The following NUAK1 variants were observed in gnomAD, a reference collection of about 807,000 sequenced individuals.
NUAK1 encodes NUAK family kinase 1.
Under a neutral mutation model 56.9 loss-of-function variants are expected in NUAK1, and 26 were observed. The ratio of observed to expected loss-of-function variants is 0.46; its 90% CI spans 0.33 to 0.63. The LOEUF is 0.63. Ranked by LOEUF, NUAK1 falls within the 30% of genes least tolerant of loss-of-function variation. The probability of loss-of-function intolerance (pLI) is 0.02; values close to 1 mark genes in which losing one functional copy is unlikely to be tolerated. For missense variants in NUAK1, 727 were observed against 876.1 expected (o/e 0.83, Z 2.15); for synonymous variants, 337 against 336.0 (o/e 1.00, Z -0.03).
rs1190980072 is a variant in NUAK1, at chr12:106,138,338, C to A, written c.240+76G>T. 1.8e-5 allele frequency: 27 copies of A among 1,513,646 alleles called. No homozygotes were observed. Among genetic ancestry groups the A allele is most frequent in the East Asian group, 2.3e-5 (1 of 43,460 alleles). 93.8% of individuals were successfully genotyped at this position (1,513,646 alleles called of 1,614,324 possible). Reference sequence around the variant, plus strand: ...CAAGAGAGCCCCAGGGCGCACAGACCCCCGCCTCGCACGCCCTCAGTCCCC... The same window carrying A: ...CAAGAGAGCCCCAGGGCGCACAGACACCCGCCTCGCACGCCCTCAGTCCCC... On this transcript the variant is annotated intron_variant, in intron 1 of 6. Coordinates refer to ENST00000261402, the MANE Select transcript of NUAK1 (RefSeq NM_014840.3). The surrounding 1 kb of genome is among the most constrained non-coding windows in gnomAD (Gnocchi z 5.0).
At chr12:106,128,459 C>G (rs761753305) in intron 1 of NUAK1, among the ~76,000 whole-genome samples, 1 of 152,164 alleles carries the variant, frequency 6.6e-6, no homozygotes, top group Non-Finnish European at 1.5e-5. Flanking sequence ...ATTGGACGGT[C>G]CACTTCCCTT....
intron 1 of NUAK1, among the ~76,000 whole-genome samples, chr12:106,129,613 T>C (rs2033057269): frequency 6.6e-6 from 1 of 151,988 alleles, no homozygotes; most frequent in African/African-American, 2.4e-5. Flanking sequence ...AGACTTTGGG[T>C]CCCATGCAAC....
At chr12:106,110,458 A>G (rs1213186199) in intron 1 of NUAK1, among the ~76,000 whole-genome samples, 1 of 152,196 alleles carries the variant, frequency 6.6e-6, no homozygotes, top group East Asian at 1.9e-4. Flanking sequence ...AGGGCTACCA[A>G]AGAAATGCAC....
intron 1 of NUAK1, among the ~76,000 whole-genome samples, chr12:106,134,828 T>C (rs2556509): frequency 1 from 152,266 of 152,338 alleles, 76,097 homozygotes; most frequent in Middle Eastern, 1. Context: ...TTGAGAAATG[T>C]GTTCAGATCC....
At chr12:106,093,495 T>C (rs1178423115) in intron 2 of NUAK1, among the ~76,000 whole-genome samples, 1 of 152,202 alleles carries the variant, frequency 6.6e-6, no homozygotes, top group East Asian at 1.9e-4. Context: ...ATGACCCAGC[T>C]CCCAGAGACT....
intron 1 of NUAK1, among the ~76,000 whole-genome samples, chr12:106,131,745 G>A (rs1215781101): frequency 6.6e-6 from 1 of 152,186 alleles, no homozygotes; most frequent in African/African-American, 2.4e-5. Flanking sequence ...GGTAAACCTA[G>A]AAGTGGAAAT....
intron 3 of NUAK1, among the ~76,000 whole-genome samples, chr12:106,084,758 T>A (rs2032554914): frequency 1.3e-5 from 2 of 152,062 alleles, no homozygotes; most frequent in African/African-American, 4.8e-5. Context: ...GATTATCTTT[T>A]TAGGGGGTGG....
At chr12:106,084,355 ATCTG>A (rs1200238342) in intron 3 of NUAK1, among the ~76,000 whole-genome samples, 1 of 152,180 alleles carries the variant, frequency 6.6e-6, no homozygotes, top group African/African-American at 2.4e-5. Flanking sequence ...GGCACTCCTC[ATCTG>A]TCTGTCTGTG....
At position 106,098,560 on chromosome 12, in the gene NUAK1, C is replaced by T. The variant is rs1030960531; in HGVS notation, c.361+7845G>A. Among the ~76,000 whole-genome samples the T allele has an allele frequency of 2.6e-5, 4 of 152,154 alleles. No individual in the cohort carries two copies. The South Asian group carries it at 6.2e-4, about 24-fold the overall frequency. On this transcript the variant is annotated intron_variant, in intron 2 of 6. Coordinates refer to ENST00000261402, the MANE Select transcript of NUAK1 (RefSeq NM_014840.3). The stretch of plus-strand genomic sequence containing the variant: ...ATGAAAGGGTTGGCCAGTTCCAGCA[C>T]ATCACAATGCAAAGAACCCATAAAG...
chr12:106,122,139 G>C lies in NUAK1; in HGVS notation c.241-15614C>G, dbSNP rs562831165. 5.9e-5 allele frequency among the ~76,000 whole-genome samples: 9 copies of C among 152,266 alleles called. No individual in the cohort carries two copies. In the South Asian group the frequency reaches 1.2e-3, roughly 21 times the overall value. ...GTCCATTGAACAGTTAAGCTCCTTG[G>C]GGGCAGGGGTGGATATTTGTAGACC... is the stretch of plus-strand genomic sequence containing the variant. On this transcript the variant is annotated intron_variant, in intron 1 of 6. Coordinates refer to ENST00000261402, the MANE Select transcript of NUAK1 (RefSeq NM_014840.3).
intron 2 of NUAK1, among the ~76,000 whole-genome samples, chr12:106,089,249 A>G (rs569217663): frequency 6.6e-6 from 1 of 152,260 alleles, no homozygotes; most frequent in African/African-American, 2.4e-5. Context: ...GAAGACTCAC[A>G]CCCCAAAGAG....
chr12:106,130,182 A>G (rs2033063116), intron 1 of NUAK1, among the ~76,000 whole-genome samples: 1 of 152,150 alleles, frequency 6.6e-6, no homozygotes, highest in Non-Finnish European at 1.5e-5. Flanking sequence ...GGGTTTCACC[A>G]TGTTGGCCAG....
intron 4 of NUAK1, 102 bp from the exon 5 acceptor site, chr12:106,072,945 C>G: frequency 2.9e-6 from 4 of 1,377,802 alleles, no homozygotes; most frequent in Non-Finnish European, 4.0e-6. Context: ...ATGAAGGGCA[C>G]CTGGGTGGGT....
intron 1 of NUAK1, among the ~76,000 whole-genome samples, chr12:106,115,642 A>T (rs1348802889): frequency 6.6e-6 from 1 of 152,146 alleles, no homozygotes; most frequent in East Asian, 1.9e-4. Flanking sequence ...GAGGCTTGTC[A>T]TCTCCCTCAT....
At chr12:106,116,203 C>A (rs2032915297) in intron 1 of NUAK1, among the ~76,000 whole-genome samples, 1 of 152,124 alleles carries the variant, frequency 6.6e-6, no homozygotes, top group Non-Finnish European at 1.5e-5. Flanking sequence ...TAAGAAGGAC[C>A]CTTGACAAAC....
At chr12:106,073,325 C>T (rs1379207974) in intron 4 of NUAK1, among the ~76,000 whole-genome samples, 3 of 152,112 alleles carry the variant, frequency 2.0e-5, no homozygotes, top group African/African-American at 4.8e-5. Flanking sequence ...CTGGTGATAC[C>T]ACCTCTGTAT....
intron 2 of NUAK1, among the ~76,000 whole-genome samples, chr12:106,098,804 C>T (rs778023547): frequency 1.3e-5 from 2 of 152,076 alleles, no homozygotes; most frequent in Admixed American, 1.3e-4. Flanking sequence ...TGAGACAGTG[C>T]GCCTTTGATG....
At chr12:106,123,982 C>T (rs759371784) in intron 1 of NUAK1, among the ~76,000 whole-genome samples, 1 of 152,152 alleles carries the variant, frequency 6.6e-6, no homozygotes, top group Non-Finnish European at 1.5e-5. Flanking sequence ...AAAATTAGAA[C>T]TCATTGTGGG....
In NUAK1 at chr12:106,138,321, C is replaced by A. The variant is rs1160015347; in HGVS notation, c.240+93G>T. The A allele has an allele frequency of 1.2e-5, 18 of 1,472,664 alleles. No individual in the cohort carries two copies. The highest frequency in any genetic ancestry group is 1.4e-5 in the Non-Finnish European group (16 of 1,114,936). 91.2% of individuals were successfully genotyped at this position (1,472,664 alleles called of 1,614,324 possible). On this transcript the variant is annotated intron_variant, in intron 1 of 6. Transcript: ENST00000261402. This position sits in a 1 kb window ranked among gnomAD's most constrained non-coding sequence, Gnocchi z 5.0. ...ATGAGCCCCCTCTCTGTCAAGAGAG[C>A]CCCAGGGCGCACAGACCCCCGCCTC...
Sources: gnomAD v4.1 joint callset for allele counts (sites outside exome capture counted in the v4.1 genomes callset) on GRCh38, gnomAD v4.1.1 for gene constraint, Gnocchi (gnomAD v3.1) non-coding constraint, MANE v1.5 for transcripts, NCBI Gene and HGNC (gene_info 2026-07-23, HGNC 2026-07-21) for gene names.